GALNT9: variants seen among roughly 807,000 people sequenced by gnomAD.
The protein encoded by GALNT9 is polypeptide N-acetylgalactosaminyltransferase 9.
In GALNT9, 47 loss-of-function variants were observed where a neutral mutation model predicts 63.1. That is an observed-to-expected ratio of 0.75 (90% CI 0.59 to 0.95). GALNT9 has a LOEUF of 0.95. Among genes scored for constraint, GALNT9 ranks in the 40% least tolerant of loss-of-function variants. The probability of loss-of-function intolerance (pLI) is 0.00; values close to 1 mark genes in which losing one functional copy is unlikely to be tolerated. For missense variants in GALNT9, 829 were observed against 874.8 expected (o/e 0.95, Z 0.66); for synonymous variants, 396 against 365.7 (o/e 1.08, Z -0.94).
intron 6 of GALNT9, among the ~76,000 whole-genome samples, chr12:132,229,877 G>T (rs1877828368): frequency 6.6e-6 from 1 of 152,234 alleles, no homozygotes; most frequent in African/African-American, 2.4e-5. Context: ...CTTGCCCAAG[G>T]TCACCGTCCG....
intron 1 of GALNT9, among the ~76,000 whole-genome samples, chr12:132,323,276 G>A (rs1209654401): frequency 4.6e-5 from 7 of 152,252 alleles, no homozygotes; most frequent in Admixed American, 2.0e-4. Context: ...ACTCAGCCCA[G>A]CACACGCCGA....
chr12:132,197,823 C>T lies in GALNT9; in HGVS notation c.1634G>A (p.Arg545Gln), dbSNP rs576774990. The change falls in exon 10 of 11, where the codon CGG becomes CAG. Residue 545 changes from arginine to glutamine, a missense_variant. Coordinates refer to ENST00000328957, the MANE Select transcript of GALNT9 (RefSeq NM_001122636.2). Reference sequence around the variant, plus strand: ...GAAGTCCCACAGCCGCTGTGTTGGCCGCGCCACATCCTCACACTTCTTCAG... The same window carrying T: ...GAAGTCCCACAGCCGCTGTGTTGGCTGCGCCACATCCTCACACTTCTTCAG... The part of the protein sequence containing the change: ...PTLKKCEDVA[R>Q]PTQRLWDFTQ... The T allele has an allele frequency of 1.2e-4, 193 of 1,598,130 alleles. No homozygotes were observed. The highest frequency in any genetic ancestry group is 4.0e-4 in the Admixed American group (23 of 57,856).
chr12:132,208,622 C>A (rs1467148828), intron 6 of GALNT9, among the ~76,000 whole-genome samples: 1 of 152,148 alleles, frequency 6.6e-6, no homozygotes, highest in African/African-American at 2.4e-5. Context: ...CCAGCTGAGC[C>A]CATTCCTCCC....
chr12:132,204,065 A>G (rs1425413826), intron 6 of GALNT9, among the ~76,000 whole-genome samples: 1 of 101,824 alleles, frequency 9.8e-6, no homozygotes, highest in Non-Finnish European at 2.0e-5. Context: ...CACCTCCCCC[A>G]GCACCCGAAC....
rs1880406858 is a variant in GALNT9, at chr12:132,282,615, C to T, written c.419+3635G>A. On this transcript the variant is annotated intron_variant, in intron 2 of 10. Transcript: ENST00000328957. This position sits in a 1 kb window ranked among gnomAD's most constrained non-coding sequence, Gnocchi z 4.5. ...TCTTGATGATAAGGTTGCTGCAGCT[C>T]CCCCAGCTCCCAGCCTTGGTTTCAT... is the stretch of plus-strand genomic sequence containing the variant. Among the ~76,000 whole-genome samples, 1 of 151,962 alleles carries T rather than the reference C, an allele frequency of 6.6e-6. No homozygotes were observed. The highest frequency in any genetic ancestry group is 6.6e-5 in the Admixed American group (1 of 15,260).
In GALNT9 at chr12:132,329,239, A is replaced by G. The variant is rs1186882423; in HGVS notation, c.-36T>C. On this transcript the variant is annotated 5_prime_UTR_variant, in exon 1 of 11. An upstream start codon of the reference 5' UTR is lost. Transcript: ENST00000328957. ...GCAGCGGGGGCCTCACCCGCGGGGC[A>G]TCCCCAGCATCCCCGCCCGGGCCTG... 7.9e-6 allele frequency: 12 copies of G among 1,523,412 alleles called. No individual in the cohort carries two copies. The highest frequency in any genetic ancestry group is 8.0e-6 in the Non-Finnish European group (9 of 1,129,662). The allele number at this position is 1,523,412 out of a possible 1,614,324, so 94.4% of individuals were successfully genotyped here.
chr12:132,267,094 C>T lies in GALNT9; in HGVS notation c.420-4469G>A, dbSNP rs138628734. Among the ~76,000 whole-genome samples the T allele has an allele frequency of 2.4e-3, 361 of 152,154 alleles. 1 individual carries two copies. The highest frequency in any genetic ancestry group is 4.7e-3 in the Admixed American group (72 of 15,286). ...GAGCAGTGAGGAGGTGGCATGTGGG[C>T]GCAGAGAGGGATGGAAGTGGGAAAA... On this transcript the variant is annotated intron_variant, in intron 2 of 10. Transcript: ENST00000328957.
At chr12:132,320,311 C>T (rs960307220) in intron 1 of GALNT9, among the ~76,000 whole-genome samples, 1 of 152,214 alleles carries the variant, frequency 6.6e-6, no homozygotes, top group African/African-American at 2.4e-5. Context: ...GTTCCGATTC[C>T]GCCTCGAGGA....
chr12:132,245,492 CG>C lies in GALNT9; in HGVS notation c.1077+2417del, dbSNP rs528958957. Reference sequence around the variant, plus strand: ...TGGAGACGGGAGGGAAGCTCTCCAACGGCTGCAGCCAGGGCCCTCTGTGGTC... The same window carrying C: ...TGGAGACGGGAGGGAAGCTCTCCAACGCTGCAGCCAGGGCCCTCTGTGGTC... On this transcript the variant is annotated intron_variant, in intron 6 of 10. Coordinates refer to ENST00000328957, the MANE Select transcript of GALNT9 (RefSeq NM_001122636.2). The surrounding 1 kb of genome is among the most constrained non-coding windows in gnomAD (Gnocchi z 6.3). Among the ~76,000 whole-genome samples, 11 of 152,220 alleles carry C rather than the reference CG, an allele frequency of 7.2e-5. No homozygotes were observed. The East Asian group carries it at 2.1e-3, about 29-fold the overall frequency.
In GALNT9 at chr12:132,307,831, C is replaced by T. The variant is rs1385674807; in HGVS notation, c.238+21135G>A. Among the ~76,000 whole-genome samples the T allele has an allele frequency of 2.6e-5, 4 of 151,866 alleles. No individual in the cohort carries two copies. The East Asian group carries it at 5.8e-4, about 22-fold the overall frequency. On this transcript the variant is annotated intron_variant, in intron 1 of 10. Coordinates refer to ENST00000328957, the MANE Select transcript of GALNT9 (RefSeq NM_001122636.2). ...CCTGGGCGACAGAGTGAGACTCCGT[C>T]TCAAAACAAACAAACAACAACAACC... is the stretch of plus-strand genomic sequence containing the variant.
intron 3 of GALNT9, 95 bp downstream of exon 3, chr12:132,262,364 T>C: frequency 6.9e-7 from 1 of 1,441,642 alleles, no homozygotes; most frequent in South Asian, 1.4e-5. Context: ...TGCAGTCCTC[T>C]GTCGCTCTGC....
Position 132,257,457 on chromosome 12 carries a change from C to CA in GALNT9, c.959+231_959+232insT, listed in dbSNP as rs1879168102. Among the ~76,000 whole-genome samples, 382 of 148,334 alleles carry CA rather than the reference C, an allele frequency of 2.6e-3. 17 individuals are homozygous for CA. Among genetic ancestry groups the CA allele is most frequent in the East Asian group, 0.026 (118 of 4,614 alleles). The stretch of plus-strand genomic sequence containing the variant: ...GCCCTCGTCCCCATGCCCTCATCCC[C>CA]GGCCCTCGTCCCCACGCCCTCGTCC... On this transcript the variant is annotated intron_variant, in intron 5 of 10. Transcript: ENST00000328957.
At chr12:132,219,773 C>T (rs1326171850) in intron 6 of GALNT9, among the ~76,000 whole-genome samples, 1 of 119,712 alleles carries the variant, frequency 8.4e-6, no homozygotes, top group Non-Finnish European at 1.8e-5. Flanking sequence ...CAGGGTGACA[C>T]CCGCCCGGGT....
In GALNT9 at chr12:132,236,756, T is replaced by TAAG. The variant is rs1378627778; in HGVS notation, c.1077+11151_1077+11153dup. On this transcript the variant is annotated intron_variant, in intron 6 of 10. Coordinates refer to ENST00000328957, the MANE Select transcript of GALNT9 (RefSeq NM_001122636.2). This position sits in a 1 kb window ranked among gnomAD's most constrained non-coding sequence, Gnocchi z 5.6. ...ACGCCTCCTGGGGGTCTCCCGTGTCTAAGTCTTGCTGTGCCCCCAATTTCA... is the reference window on the plus strand; with the variant it reads ...ACGCCTCCTGGGGGTCTCCCGTGTCTAAGAAGTCTTGCTGTGCCCCCAATTTCA... Among the ~76,000 whole-genome samples, 1 of 152,184 alleles carries TAAG rather than the reference T, an allele frequency of 6.6e-6. No homozygotes were observed. The highest frequency in any genetic ancestry group is 1.5e-5 in the Non-Finnish European group (1 of 68,036).
chr12:132,251,055 G>A (rs1474064199), intron 5 of GALNT9, among the ~76,000 whole-genome samples: 1 of 152,186 alleles, frequency 6.6e-6, no homozygotes, highest in East Asian at 1.9e-4. Context: ...CACGGAGTTT[G>A]GAACACGTCG....
intron 6 of GALNT9, among the ~76,000 whole-genome samples, chr12:132,226,797 T>C (rs1485719492): frequency 0.011 from 1,433 of 130,148 alleles, 23 homozygotes; most frequent in African/African-American, 0.04. Flanking sequence ...ATACACCCCA[T>C]ATACACACCC....
rs997557757 is a variant in GALNT9, at chr12:132,245,179, C to A, written c.1077+2731G>T. Among the ~76,000 whole-genome samples the A allele has an allele frequency of 6.6e-6, 1 of 152,080 alleles. No individual in the cohort carries two copies. Among genetic ancestry groups the A allele is most frequent in the Non-Finnish European group, 1.5e-5 (1 of 67,994 alleles). ...TATGTCAGCCAGGCGTGGTGGTTCACACCTGGAATCCCAGCACTGTGGGAG... is the reference window on the plus strand; with the variant it reads ...TATGTCAGCCAGGCGTGGTGGTTCAAACCTGGAATCCCAGCACTGTGGGAG... On this transcript the variant is annotated intron_variant, in intron 6 of 10. Transcript: ENST00000328957. This position sits in a 1 kb window ranked among gnomAD's most constrained non-coding sequence, Gnocchi z 6.3.
intron 10 of GALNT9, among the ~76,000 whole-genome samples, 163 bp downstream of exon 10, chr12:132,197,629 G>A (rs888382784): frequency 3.3e-5 from 5 of 149,652 alleles, no homozygotes; most frequent in East Asian, 1.9e-4. Context: ...TGTGAGCGTC[G>A]GGGCCCATAA....
chr12:132,198,005 C>T, intron 9 of GALNT9, 46 bp from the exon 10 acceptor site: 3 of 1,522,000 alleles, frequency 2.0e-6, no homozygotes, highest in Non-Finnish European at 2.7e-6. Context: ...CGCCCAGGCT[C>T]TCCCCAGTGA....
Sources: allele counts gnomAD v4.1 joint callset (sites outside exome capture counted in the v4.1 genomes callset), GRCh38; gene constraint gnomAD v4.1.1; non-coding constraint Gnocchi (gnomAD v3.1); transcripts MANE v1.5; gene names NCBI Gene and HGNC (gene_info 2026-07-23, HGNC 2026-07-21).